SGCZ: variants seen among roughly 807,000 people sequenced by gnomAD.
SGCZ encodes zeta-sarcoglycan.
Under a neutral mutation model 41.3 loss-of-function variants are expected in SGCZ, and 40 were observed. That is an observed-to-expected ratio of 0.97 (90% CI 0.75 to 1.26). The LOEUF (loss-of-function observed/expected upper bound fraction) is 1.26, where lower values mean the gene tolerates loss of function less well. SGCZ is among the 50% of genes most tolerant of loss of function. SGCZ has a pLI of 0.00. For synonymous variants in SGCZ, 206 were observed against 137.5 expected (o/e 1.50, Z -3.49); for missense variants, 552 against 369.8 (o/e 1.49, Z -4.04).
chr8:14,463,899 T>C (rs919873537), intron 2 of SGCZ, among the ~76,000 whole-genome samples: 1 of 145,650 alleles, frequency 6.9e-6, no homozygotes, highest in Non-Finnish European at 1.5e-5. Flanking sequence ...TCTGCCTTCA[T>C]TCTCTTTAGG....
At chr8:15,158,547 T>C (rs998547097) in intron 1 of SGCZ, among the ~76,000 whole-genome samples, 1 of 152,252 alleles carries the variant, frequency 6.6e-6, no homozygotes, top group Non-Finnish European at 1.5e-5. Flanking sequence ...TACTACTTTA[T>C]GCTAAAACCT....
rs116131865 is a variant in SGCZ, at chr8:14,513,342, T to G, written c.234+41390A>C. ...CATGAGCCACAGTGCCAAACCACTA[T>G]TACCAGTTTAAACACGAAAAAGTAT... On this transcript the variant is annotated intron_variant, in intron 2 of 7. Transcript: ENST00000382080. Among the ~76,000 whole-genome samples the G allele has an allele frequency of 5.0e-3, 762 of 152,224 alleles. 7 individuals carry two copies. Among genetic ancestry groups the G allele is most frequent in the African/African-American group, 0.016 (680 of 41,552 alleles).
intron 4 of SGCZ, among the ~76,000 whole-genome samples, chr8:14,211,450 C>G (rs1375504901): frequency 6.6e-6 from 1 of 152,142 alleles, no homozygotes; most frequent in Non-Finnish European, 1.5e-5. Flanking sequence ...ACAGATTTCT[C>G]TAGTATCTAC....
chr8:15,008,914 C>T (rs1802720242), intron 1 of SGCZ, among the ~76,000 whole-genome samples: 2 of 151,982 alleles, frequency 1.3e-5, no homozygotes, highest in South Asian at 4.1e-4. Context: ...AAAAACTGTC[C>T]TCATAGTGAG....
At chr8:14,857,357 T>C (rs1475464202) in intron 1 of SGCZ, among the ~76,000 whole-genome samples, 1 of 152,178 alleles carries the variant, frequency 6.6e-6, no homozygotes, top group Non-Finnish European at 1.5e-5. Flanking sequence ...CACTAGATAA[T>C]GAGATTACAG....
chr8:14,848,967 T>C (rs1323568639), intron 1 of SGCZ, among the ~76,000 whole-genome samples: 3 of 152,030 alleles, frequency 2.0e-5, no homozygotes, highest in African/African-American at 7.2e-5. Context: ...TAAAGAGCTG[T>C]CAAAACACAA....
intron 2 of SGCZ, among the ~76,000 whole-genome samples, chr8:14,377,264 G>C (rs1459618801): frequency 6.6e-6 from 1 of 152,102 alleles, no homozygotes; most frequent in Non-Finnish European, 1.5e-5. Flanking sequence ...CTACACAGTG[G>C]GGTTCAGAGG....
chr8:14,373,253 C>G (rs1412666790), intron 2 of SGCZ, among the ~76,000 whole-genome samples: 1 of 152,104 alleles, frequency 6.6e-6, no homozygotes. Context: ...TTGGCATTCA[C>G]TAAATGGAAA....
At chr8:14,098,438 T>G (rs941430374) in intron 7 of SGCZ, among the ~76,000 whole-genome samples, 3 of 152,178 alleles carry the variant, frequency 2.0e-5, no homozygotes, top group Non-Finnish European at 4.4e-5. Context: ...CACTTGTGGC[T>G]CTCTTCTCCC....
At position 14,530,689 on chromosome 8, in the gene SGCZ, A is replaced by G. The variant is rs1803100550; in HGVS notation, c.234+24043T>C. Among the ~76,000 whole-genome samples the G allele has an allele frequency of 0.026, 4 of 156 alleles. No homozygotes were observed. The South Asian group carries it at 0.5, about 20-fold the overall frequency. The allele number at this position is 156 out of a possible 152,430, so 0.1% of individuals were successfully genotyped here. A position where few individuals can be genotyped will look rare whatever the true frequency, so the allele number is the denominator to read the frequency against. On this transcript the variant is annotated intron_variant, in intron 2 of 7. Transcript: ENST00000382080. ...TATATAAGTTAAAATATTTTTATCAAGAATGATTATATGCCTGGCACAGTA... is the reference window on the plus strand; with the variant it reads ...TATATAAGTTAAAATATTTTTATCAGGAATGATTATATGCCTGGCACAGTA...
chr8:14,245,484 T>A (rs1799053223), intron 3 of SGCZ, among the ~76,000 whole-genome samples: 1 of 152,160 alleles, frequency 6.6e-6, no homozygotes, highest in Non-Finnish European at 1.5e-5. Context: ...TCTAAAACCA[T>A]AAATACCCTA....
chr8:14,137,401 A>T (rs1216378549), intron 5 of SGCZ, among the ~76,000 whole-genome samples: 1 of 152,212 alleles, frequency 6.6e-6, no homozygotes, highest in Non-Finnish European at 1.5e-5. Flanking sequence ...GAGGATGTTC[A>T]AACCCATCAC....
chr8:14,136,127 C>A (rs765494), intron 5 of SGCZ, among the ~76,000 whole-genome samples: 4 of 152,102 alleles, frequency 2.6e-5, no homozygotes, highest in Non-Finnish European at 5.9e-5. Flanking sequence ...GCACTACATA[C>A]CACAGCCAAA....
rs148789957 is a variant in SGCZ at position 14,816,398 on chromosome 8, C to A, written c.40-261472G>T. ...TGTTATGAGTGTGTAATACAGGATA[C>A]CTCAGACTTCACTGGTTAGTCAGAA... On this transcript the variant is annotated intron_variant, in intron 1 of 7. Transcript: ENST00000382080. Among the ~76,000 whole-genome samples the A allele has an allele frequency of 4.0e-3, 607 of 152,276 alleles. 3 individuals carry two copies. The highest frequency in any genetic ancestry group is 0.016 in the South Asian group (75 of 4,824).
intron 1 of SGCZ, among the ~76,000 whole-genome samples, chr8:14,574,162 T>C (rs1804640318): frequency 6.6e-6 from 1 of 152,094 alleles, no homozygotes; most frequent in African/African-American, 2.4e-5. Context: ...ACCTTTAGGA[T>C]TGTAATGAAT....
intron 1 of SGCZ, among the ~76,000 whole-genome samples, chr8:14,655,687 A>G (rs58947477): frequency 0.13 from 19,468 of 152,120 alleles, 1,945 homozygotes; most frequent in East Asian, 0.56. Flanking sequence ...CAACCAAGAT[A>G]CTGACAGTAA....
At chr8:14,746,888 C>T (rs537383009) in intron 1 of SGCZ, among the ~76,000 whole-genome samples, 2 of 152,250 alleles carry the variant, frequency 1.3e-5, no homozygotes, top group East Asian at 1.9e-4. Flanking sequence ...GTATGTCCTA[C>T]TTTATTGATT....
At chr8:15,030,213 T>C (rs914386211) in intron 1 of SGCZ, among the ~76,000 whole-genome samples, 13 of 152,158 alleles carry the variant, frequency 8.5e-5, no homozygotes, top group Admixed American at 3.3e-4. Context: ...AGGGGTTATC[T>C]AAAATGGGTT....
intron 2 of SGCZ, among the ~76,000 whole-genome samples, chr8:14,551,854 T>C (rs538017510): frequency 4.6e-4 from 69 of 150,626 alleles, no homozygotes; most frequent in Admixed American, 1.7e-3. Flanking sequence ...ATCAATCATA[T>C]ACATCATGCA....
Sources: allele counts gnomAD v4.1 joint callset (sites outside exome capture counted in the v4.1 genomes callset), GRCh38; gene constraint gnomAD v4.1.1; transcripts MANE v1.5; gene names NCBI Gene and HGNC (gene_info 2026-07-23, HGNC 2026-07-21).